The following TMCC1 variants were observed in gnomAD, a reference collection of about 807,000 sequenced individuals.
TMCC1 encodes the protein transmembrane and coiled-coil domains protein 1.
A neutral mutation model predicts 52.4 loss-of-function variants in TMCC1; 15 were observed. That is an observed-to-expected ratio of 0.29 (90% confidence interval 0.19 to 0.44). The LOEUF is 0.44. Among genes scored for constraint, TMCC1 ranks in the 20% least tolerant of loss-of-function variants. The pLI is 1.00. For synonymous variants in TMCC1, 279 were observed against 301.9 expected (o/e 0.92, Z 0.79); for missense variants, 503 against 806.0 (o/e 0.62, Z 4.55).
chr3:129,755,623 C>T (rs763241424), intron 4 of TMCC1, among the ~76,000 whole-genome samples: 3 of 151,968 alleles, frequency 2.0e-5, no homozygotes, highest in African/African-American at 7.3e-5. Context: ...ATACAGATGG[C>T]GAACAAACAC....
chr3:129,882,761 G>A (rs374320685), intron 1 of TMCC1, among the ~76,000 whole-genome samples: 1 of 152,158 alleles, frequency 6.6e-6, no homozygotes, highest in Admixed American at 6.6e-5. Flanking sequence ...TAAGTGACAG[G>A]AGACAGTCAC....
At chr3:129,679,456 C>T (rs1335409389) in intron 4 of TMCC1, among the ~76,000 whole-genome samples, 1 of 152,148 alleles carries the variant, frequency 6.6e-6, no homozygotes, top group African/African-American at 2.4e-5. Context: ...CAGGTGCGCA[C>T]CACCACGCCT....
chr3:129,670,727 T>A lies in TMCC1; in HGVS notation c.1114A>T (p.Ile372Phe). Residue 372 changes from isoleucine to phenylalanine, a missense_variant, in exon 5 of 7, where the codon ATT becomes TTT. Transcript: ENST00000393238. ...AGAVVSKPRE[I>F]ASLIRNKFGS... is the part of the protein sequence containing the mutation. ...AATTTGTTCCGAATGAGTGAGGCAA[T>A]CTCTCTGGGCTTTGAGACTACAGCG... is the stretch of plus-strand genomic sequence containing the variant. 6.2e-7 allele frequency: 1 copy of A among 1,614,166 alleles called. No individual in the cohort carries two copies. Among genetic ancestry groups the A allele is most frequent in the South Asian group, 1.1e-5 (1 of 91,088 alleles).
intron 4 of TMCC1, among the ~76,000 whole-genome samples, chr3:129,756,011 T>C (rs2052969687): frequency 6.6e-6 from 1 of 151,336 alleles, no homozygotes; most frequent in Non-Finnish European, 1.5e-5. Context: ...TGCAGGAGAA[T>C]TGCTTGAACA....
chr3:129,840,277 T>C (rs2059361078), intron 2 of TMCC1, among the ~76,000 whole-genome samples: 1 of 136,986 alleles, frequency 7.3e-6, no homozygotes, highest in African/African-American at 2.9e-5. Context: ...CAATGAGCCA[T>C]GATCATGCTA....
chr3:129,758,039 C>T (rs2053172536), intron 4 of TMCC1, among the ~76,000 whole-genome samples: 1 of 151,972 alleles, frequency 6.6e-6, no homozygotes, highest in South Asian at 2.1e-4. Flanking sequence ...AATACAAATA[C>T]CTGATATAAC....
intron 2 of TMCC1, among the ~76,000 whole-genome samples, chr3:129,845,829 C>T (rs983089353): frequency 4.6e-5 from 7 of 151,924 alleles, no homozygotes; most frequent in African/African-American, 1.5e-4. Flanking sequence ...AATATCATGT[C>T]GAGACAAGTC....
intron 4 of TMCC1, among the ~76,000 whole-genome samples, chr3:129,702,348 GTTGAT>G (rs1420528390): frequency 6.6e-6 from 1 of 151,786 alleles, no homozygotes; most frequent in Non-Finnish European, 1.5e-5. Context: ...GTGGGGACCA[GTTGAT>G]TTAAGTTTTA....
At chr3:129,709,895 C>T (rs373885522) in intron 4 of TMCC1, among the ~76,000 whole-genome samples, 1 of 151,888 alleles carries the variant, frequency 6.6e-6, no homozygotes, top group Non-Finnish European at 1.5e-5. Context: ...TATTAAAAAA[C>T]TGTGTCAGTA....
intron 2 of TMCC1, among the ~76,000 whole-genome samples, chr3:129,835,171 C>T (rs1482580037): frequency 6.6e-6 from 1 of 152,196 alleles, no homozygotes; most frequent in African/African-American, 2.4e-5. Flanking sequence ...GCTTCTCCCT[C>T]TTTCCTTTGA....
Position 129,666,800 on chromosome 3 carries a change from T to G in TMCC1, c.1511+3530A>C, listed in dbSNP as rs546441489. The stretch of plus-strand genomic sequence containing the variant: ...TATTTCAAAGCCAGGCATGGTGGCA[T>G]GCACCTGCAGTCCCAGCTACTCAGG... On this transcript the variant is annotated intron_variant, in intron 5 of 6. Transcript: ENST00000393238. Among the ~76,000 whole-genome samples the G allele has an allele frequency of 3.7e-3, 566 of 151,300 alleles. 7 individuals carry two copies. The East Asian group carries it at 0.038, about 10-fold the overall frequency.
chr3:129,794,199 C>A (rs1050198658), intron 4 of TMCC1: 3 of 401,324 alleles, frequency 7.5e-6, no homozygotes, highest in Non-Finnish European at 1.5e-5. Flanking sequence ...GGCAGTGCTT[C>A]CTCCCTCAGC....
In TMCC1 at chr3:129,810,349, C is replaced by CAA. The variant is rs11449887; in HGVS notation, c.576+17452_576+17453dup. The stretch of plus-strand genomic sequence containing the variant: ...CAACAGAGTGAGAGACACTGTCTCC[C>CAA]AAAAAAAACAAAACAAAACTAAGCA... On this transcript the variant is annotated intron_variant, in intron 4 of 6. Transcript: ENST00000393238. Among the ~76,000 whole-genome samples the CAA allele has an allele frequency of 2.8e-3, 416 of 151,062 alleles. 7 individuals carry two copies. The highest frequency in any genetic ancestry group is 1.6e-3 in the African/African-American group (66 of 41,192).
chr3:129,818,378 T>C (rs2058214386), intron 4 of TMCC1, among the ~76,000 whole-genome samples: 1 of 151,942 alleles, frequency 6.6e-6, no homozygotes, highest in Admixed American at 6.5e-5. Flanking sequence ...AAAGAAACTT[T>C]TTAAATTTTC....
At chr3:129,858,434 A>G (rs2060241465) in intron 2 of TMCC1, among the ~76,000 whole-genome samples, 1 of 152,264 alleles carries the variant, frequency 6.6e-6, no homozygotes, top group South Asian at 2.1e-4. Context: ...GCACTGGCAC[A>G]ATCTCAGCTC....
At chr3:129,821,824 G>C (rs111396081) in intron 4 of TMCC1, among the ~76,000 whole-genome samples, 8,490 of 152,144 alleles carry the variant, frequency 0.056, 332 homozygotes, top group Middle Eastern at 0.15. Flanking sequence ...CAGCACTTTG[G>C]GAGGCTGAGG....
At chr3:129,760,424 GTGTGTGTGTGTT>G (rs1368324433) in intron 4 of TMCC1, among the ~76,000 whole-genome samples, 1 of 149,542 alleles carries the variant, frequency 6.7e-6, no homozygotes, top group Admixed American at 7.0e-5. Context: ...GTGTGTGTGT[GTGTGTGTGTGTT>G]TTTGAGACAG....
At chr3:129,695,096 C>T (rs1355922648) in intron 4 of TMCC1, among the ~76,000 whole-genome samples, 1 of 35,232 alleles carries the variant, frequency 2.8e-5, no homozygotes, top group African/African-American at 1.1e-4. Flanking sequence ...GACTCTGTCT[C>T]AAAAAAAAAA....
At chr3:129,866,281 AC>A (rs1261748160) in intron 2 of TMCC1, among the ~76,000 whole-genome samples, 1 of 145,894 alleles carries the variant, frequency 6.9e-6, no homozygotes, top group Non-Finnish European at 1.5e-5. Context: ...TAATATATAT[AC>A]ATATATACAT....
Sources: allele counts gnomAD v4.1 joint callset (sites outside exome capture counted in the v4.1 genomes callset), GRCh38; gene constraint gnomAD v4.1.1; transcripts MANE v1.5; gene names NCBI Gene and HGNC (gene_info 2026-07-23, HGNC 2026-07-21).